SPIDR: variants seen among roughly 807,000 people sequenced by gnomAD.
The protein encoded by SPIDR is DNA repair-scaffolding protein.
In SPIDR, 93 loss-of-function variants were observed where a neutral mutation model predicts 104.6. That is an observed-to-expected ratio of 0.89 (90% CI 0.75 to 1.06). The LOEUF (loss-of-function observed/expected upper bound fraction) is 1.06. Ranked by LOEUF, SPIDR falls within the 50% of genes least tolerant of loss-of-function variation. SPIDR has a pLI of 0.00. For missense variants in SPIDR, 1,154 were observed against 1,111.2 expected, an observed-to-expected ratio of 1.04 and a Z score of -0.55; for synonymous variants, 431 against 416.9, an observed-to-expected ratio of 1.03 and a Z score of -0.41.
At chr8:47,404,987 A>T (rs2062513656) in intron 6 of SPIDR, among the ~76,000 whole-genome samples, 1 of 152,184 alleles carries the variant, frequency 6.6e-6, no homozygotes, top group Admixed American at 6.5e-5. Context: ...GATTAAGAAA[A>T]TATGGCACAT....
At chr8:47,483,513 G>T (rs551235942) in intron 8 of SPIDR, among the ~76,000 whole-genome samples, 1 of 152,308 alleles carries the variant, frequency 6.6e-6, no homozygotes, top group East Asian at 1.9e-4. Context: ...CCCAAAAGTA[G>T]TCAGTGTAGA....
chr8:47,283,197 C>T lies in SPIDR; in HGVS notation c.190-831C>T, dbSNP rs1003273576. Among the ~76,000 whole-genome samples the T allele has an allele frequency of 5.9e-5, 9 of 152,284 alleles. No homozygotes were observed. The East Asian group carries it at 1.7e-3, about 29-fold the overall frequency. ...TTAAGGTGTGAGACATTCAGCTCTT[C>T]CTTTGCTTGAGCACTTTGAGGCGAT... On this transcript the variant is annotated intron_variant, in intron 2 of 19. Coordinates refer to ENST00000297423, the MANE Select transcript of SPIDR (RefSeq NM_001080394.4).
Position 47,595,875 on chromosome 8 carries a change from G to GT in SPIDR, c.1164dup (p.Val389CysfsTer11). The GT allele has an allele frequency of 6.2e-7, 1 of 1,614,194 alleles. No individual in the cohort carries two copies. The highest frequency in any genetic ancestry group is 8.5e-7 in the Non-Finnish European group (1 of 1,180,016). On this transcript the variant is annotated frameshift_variant, in exon 9 of 20. Coordinates refer to ENST00000297423, the MANE Select transcript of SPIDR (RefSeq NM_001080394.4). LOFTEE classifies it high-confidence loss of function. ...TCTGAATACTTACTTTTGTGAGAAA[G>GT]TTGTTGCCAAAGAAGATTCAGAAAA... is the stretch of plus-strand genomic sequence containing the variant.
chr8:47,280,190 A>C (rs1048037973), intron 2 of SPIDR, among the ~76,000 whole-genome samples, 173 bp downstream of exon 2: 1 of 151,890 alleles, frequency 6.6e-6, no homozygotes. Flanking sequence ...AATTGTGGCA[A>C]GTTAGTAAGT....
At chr8:47,327,778 A>T (rs565452341) in intron 5 of SPIDR, among the ~76,000 whole-genome samples, 1 of 152,144 alleles carries the variant, frequency 6.6e-6, no homozygotes, top group African/African-American at 2.4e-5. Flanking sequence ...GGCCAGGCTG[A>T]TCTCAAACTC....
intron 7 of SPIDR, among the ~76,000 whole-genome samples, chr8:47,408,369 C>G (rs1228385221): frequency 2.0e-5 from 3 of 152,176 alleles, no homozygotes; most frequent in East Asian, 1.9e-4. Context: ...AGCAAATTCT[C>G]TCACTTCAGC....
At chr8:47,494,933 C>A (rs577859317) in intron 8 of SPIDR, among the ~76,000 whole-genome samples, 25 of 152,228 alleles carry the variant, frequency 1.6e-4, no homozygotes, top group African/African-American at 5.3e-4. Flanking sequence ...TATGTTTTCA[C>A]CCCAGTGAAG....
chr8:47,315,189 T>G (rs1360517181), intron 5 of SPIDR, among the ~76,000 whole-genome samples: 1 of 152,046 alleles, frequency 6.6e-6, no homozygotes, highest in African/African-American at 2.4e-5. Flanking sequence ...ATATAGAAGA[T>G]CTGTAAAAAT....
chr8:47,414,752 A>G (rs1253554164), intron 7 of SPIDR, among the ~76,000 whole-genome samples: 1 of 152,144 alleles, frequency 6.6e-6, no homozygotes, highest in Non-Finnish European at 1.5e-5. Flanking sequence ...TCGTTTCCAT[A>G]TTTGAGTCAT....
chr8:47,489,587 T>C (rs1564119756), intron 8 of SPIDR, among the ~76,000 whole-genome samples: 1 of 152,194 alleles, frequency 6.6e-6, no homozygotes, highest in Admixed American at 6.5e-5. Flanking sequence ...CATCACACTA[T>C]TTGACTTTAA....
chr8:47,403,779 A>G (rs1440178535), intron 6 of SPIDR, among the ~76,000 whole-genome samples: 1 of 152,246 alleles, frequency 6.6e-6, no homozygotes, highest in Non-Finnish European at 1.5e-5. Context: ...CATATTACCC[A>G]AGGTAATTTA....
At chr8:47,478,206 G>A (rs919067746) in intron 8 of SPIDR, among the ~76,000 whole-genome samples, 3 of 152,184 alleles carry the variant, frequency 2.0e-5, no homozygotes. Flanking sequence ...AGGGTGGGCT[G>A]GGCATCCAGC....
chr8:47,671,585 AAAAT>A (rs60133278), intron 10 of SPIDR, among the ~76,000 whole-genome samples: 20,801 of 142,674 alleles, frequency 0.15, 1,977 homozygotes, highest in South Asian at 0.32. Context: ...ACTCCATCTC[AAAAT>A]AAATAAATAA....
intron 8 of SPIDR, among the ~76,000 whole-genome samples, chr8:47,560,508 T>A (rs543807553): frequency 6.6e-6 from 1 of 152,180 alleles, no homozygotes; most frequent in Non-Finnish European, 1.5e-5. Context: ...TGCTTATAAG[T>A]TCAGACTGTA....
At chr8:47,641,539 G>A (rs1055355317) in intron 10 of SPIDR, among the ~76,000 whole-genome samples, 1 of 152,202 alleles carries the variant, frequency 6.6e-6, no homozygotes, top group South Asian at 2.1e-4. Flanking sequence ...ACAAATATAT[G>A]TTTAATGATA....
chr8:47,381,781 C>T (rs1368954191), intron 5 of SPIDR, among the ~76,000 whole-genome samples: 2 of 152,208 alleles, frequency 1.3e-5, no homozygotes, highest in Non-Finnish European at 2.9e-5. Context: ...CTCACAGAGC[C>T]GCCCCGTGGC....
At chr8:47,292,719 A>AGCCCCCGTTAT (rs1377841981) in intron 4 of SPIDR, among the ~76,000 whole-genome samples, 2 of 152,236 alleles carry the variant, frequency 1.3e-5, no homozygotes, top group East Asian at 3.9e-4. Context: ...TTGTGACGAA[A>AGCCCCCGTTAT]GCCCCCGTTA....
chr8:47,293,896 G>T lies in SPIDR; in HGVS notation c.391G>T (p.Asp131Tyr). 6.2e-7 allele frequency: 1 copy of T among 1,612,172 alleles called. No individual in the cohort carries two copies. The highest frequency in any genetic ancestry group is 1.1e-5 in the South Asian group (1 of 90,532). Residue 131 changes from aspartate (D) to tyrosine (Y), a missense_variant, in exon 5 of 20, where the codon GAC (aspartate) becomes TAC (tyrosine). Transcript: ENST00000297423. ...ATTACAGTTTATCGACTGGGAGATT[G>T]ACAGTGACAGGGCAGAGGCTAGTGA... Reference protein sequence around the residue: ...DELQFIDWEIDSDRAEASDCD... With the variant: ...DELQFIDWEIYSDRAEASDCD...
intron 10 of SPIDR, among the ~76,000 whole-genome samples, chr8:47,622,214 C>T (rs952792080): frequency 1.3e-5 from 2 of 152,030 alleles, no homozygotes; most frequent in Non-Finnish European, 2.9e-5. Flanking sequence ...CTGGATTCAG[C>T]AATGGTTAGG....
Sources: gnomAD v4.1 joint callset for allele counts (sites outside exome capture counted in the v4.1 genomes callset) on GRCh38, gnomAD v4.1.1 for gene constraint, MANE v1.5 for transcripts, NCBI Gene and HGNC (gene_info 2026-07-23, HGNC 2026-07-21) for gene names.